PCDHA6: variants seen among roughly 807,000 people sequenced by gnomAD.
PCDHA6 encodes the protein protocadherin alpha 6, also known as protocadherin alpha-6.
A neutral mutation model predicts 60.3 loss-of-function variants in PCDHA6; 55 were observed. The ratio of observed to expected loss-of-function variants is 0.91; its 90% CI spans 0.73 to 1.14. PCDHA6 has a LOEUF of 1.14. Ranked by LOEUF, PCDHA6 falls within the 50% of genes most tolerant of loss-of-function variation. The probability of loss-of-function intolerance (pLI) is 0.00; values close to 1 mark genes in which losing one functional copy is unlikely to be tolerated. For synonymous variants in PCDHA6, 652 were observed against 557.9 expected (o/e 1.17, Z -2.38); for missense variants, 1,327 against 1,256.5 (o/e 1.06, Z -0.85).
chr5:140,835,512 C>A (rs147252917), intron 1 of PCDHA6: 5 of 1,613,916 alleles, frequency 3.1e-6, no homozygotes, highest in Middle Eastern at 1.6e-4. Flanking sequence ...CGTGTTTGAC[C>A]GAGATTTTGG....
rs782030896 is a variant in PCDHA6, at chr5:140,857,680, G to C, written c.2394+27195G>C. ...CGCGCGATGGGGGCGTGCCGCCTCT[G>C]GGCAGCAACTTGACGCTGCAGGTGT... On this transcript the variant is annotated intron_variant, in intron 1 of 3. Coordinates refer to ENST00000529310, the MANE Select transcript of PCDHA6 (RefSeq NM_018909.4). 20 of 1,597,122 alleles carry C rather than the reference G, an allele frequency of 1.3e-5. 2 individuals are homozygous for C. Among genetic ancestry groups the C allele is most frequent in the South Asian group, 2.2e-5 (2 of 90,508 alleles).
At chr5:140,856,510 A>G (rs1193359159) in intron 1 of PCDHA6, 2 of 1,598,532 alleles carry the variant, frequency 1.3e-6, no homozygotes, top group Non-Finnish European at 1.7e-6. Context: ...TTCCACTAGA[A>G]GGCGCATCTG....
At chr5:140,879,653 AACAAACGAAC>A (rs1168940497) in intron 1 of PCDHA6, among the ~76,000 whole-genome samples, 1 of 152,232 alleles carries the variant, frequency 6.6e-6, no homozygotes, top group African/African-American at 2.4e-5. Flanking sequence ...TGGCTGCTAT[AACAAACGAAC>A]ACAAACTGGG....
intron 3 of PCDHA6, among the ~76,000 whole-genome samples, chr5:141,006,156 TA>T (rs1554260585): frequency 6.6e-6 from 1 of 151,588 alleles, no homozygotes; most frequent in East Asian, 1.9e-4. Flanking sequence ...AGGAGTGATA[TA>T]ATCTGATTTA....
intron 1 of PCDHA6, among the ~76,000 whole-genome samples, chr5:140,965,161 G>A (rs151157194): frequency 1.5e-4 from 23 of 152,334 alleles, no homozygotes; most frequent in African/African-American, 5.5e-4. Flanking sequence ...GAGAAAGGAC[G>A]TTTTAGTGAG....
chr5:140,877,027 G>T lies in PCDHA6; in HGVS notation c.2394+46542G>T, dbSNP rs376609696. 1.3e-4 allele frequency: 211 copies of T among 1,612,282 alleles called. No individual in the cohort carries two copies. Among genetic ancestry groups the T allele is most frequent in the Admixed American group, 2.7e-4 (16 of 60,002 alleles). On this transcript the variant is annotated intron_variant, in intron 1 of 3. Coordinates refer to ENST00000529310, the MANE Select transcript of PCDHA6 (RefSeq NM_018909.4). ...GCACGCGGAGAGCGGCAAGGTGTAC[G>T]CGCTGCAGCCGCTAGACCACGAGGA...
intron 1 of PCDHA6, chr5:140,883,878 C>T: frequency 1.9e-6 from 3 of 1,613,260 alleles, no homozygotes; most frequent in Middle Eastern, 1.7e-4. Context: ...CAGGTGAGCG[C>T]GCGCGACTCT....
At position 140,841,557 on chromosome 5, in the gene PCDHA6, T is replaced by A. The variant is rs2150318209; in HGVS notation, c.2394+11072T>A. On this transcript the variant is annotated intron_variant, in intron 1 of 3. Coordinates refer to ENST00000529310, the MANE Select transcript of PCDHA6 (RefSeq NM_018909.4). The stretch of plus-strand genomic sequence containing the variant: ...CACCGGGACCTTCTGGAGGTAAGTC[T>A]GCAGAATGGCATTTTGTTTGTGAAT... The A allele has an allele frequency of 2.5e-6, 4 of 1,613,864 alleles. No individual in the cohort carries two copies. The East Asian group carries it at 8.9e-5, about 36-fold the overall frequency.
intron 1 of PCDHA6, chr5:140,859,420 C>A: frequency 4.3e-6 from 1 of 233,152 alleles, no homozygotes; most frequent in Non-Finnish European, 8.1e-6. Context: ...ATGATATAGA[C>A]TCAGAAATGA....
intron 1 of PCDHA6, among the ~76,000 whole-genome samples, chr5:140,880,156 A>C (rs1301821759): frequency 6.6e-6 from 1 of 152,250 alleles, no homozygotes; most frequent in Non-Finnish European, 1.5e-5. Context: ...TATATCAAGT[A>C]TATGTTAGAA....
intron 1 of PCDHA6, among the ~76,000 whole-genome samples, chr5:140,831,824 C>G (rs1771719892): frequency 6.6e-6 from 1 of 152,140 alleles, no homozygotes; most frequent in African/African-American, 2.4e-5. Context: ...ATGATAAACA[C>G]TAGTTTCAAT....
At position 141,009,636 on chromosome 5, in the gene PCDHA6, C is replaced by T. The variant is rs782321757; in HGVS notation, c.2552C>T (p.Ala851Val). ...ATGTTTTGTCTTTCAGAACCAGAGG[C>T]AGGAGAAGTGTCCCCTCCAGTCGGT... ...TVSSATPEPE[A>V]GEVSPPVGAG... Residue 851 changes from alanine (A) to valine (V), a missense_variant, in exon 4 of 4, where the codon GCA becomes GTA. Physicochemically the swap from Ala to Val is moderately conservative, Grantham distance 64. Transcript: ENST00000529310. 3.7e-6 allele frequency: 6 copies of T among 1,613,192 alleles called. No homozygotes were observed. Among genetic ancestry groups the T allele is most frequent in the Non-Finnish European group, 4.2e-6 (5 of 1,179,532 alleles).
Position 141,009,779 on chromosome 5 carries a change from A to G in PCDHA6, c.2695A>G (p.Ile899Val), listed in dbSNP as rs1289763016. 3.7e-6 allele frequency: 6 copies of G among 1,613,952 alleles called. No individual in the cohort carries two copies. Among genetic ancestry groups the G allele is most frequent in the Non-Finnish European group, 5.1e-6 (6 of 1,180,030 alleles). ...CCCAGGATCTCCTGCAATCATCTCCATCCGGCAGGAGCCTACTAACAGCCA... is the reference window on the plus strand; with the variant it reads ...CCCAGGATCTCCTGCAATCATCTCCGTCCGGCAGGAGCCTACTAACAGCCA... ...IIPGSPAIIS[I>V]RQEPTNSQID... The change falls in exon 4 of 4, where the codon ATC becomes GTC. Residue 899 changes from isoleucine to valine, a missense_variant. Coordinates refer to ENST00000529310, the MANE Select transcript of PCDHA6 (RefSeq NM_018909.4).
At chr5:141,005,627 G>A (rs1051972778) in intron 3 of PCDHA6, among the ~76,000 whole-genome samples, 1 of 148,378 alleles carries the variant, frequency 6.7e-6, no homozygotes, top group Non-Finnish European at 1.5e-5. Flanking sequence ...GCGTGAACCC[G>A]GGAGGCGGAG....
chr5:140,842,111 C>T, intron 1 of PCDHA6: 1 of 1,613,876 alleles, frequency 6.2e-7, no homozygotes, highest in Non-Finnish European at 8.5e-7. Context: ...AGTTATCAAA[C>T]TGAATGCTTC....
chr5:140,848,477 A>G (rs1473834306), intron 1 of PCDHA6: 1 of 1,563,760 alleles, frequency 6.4e-7, no homozygotes, highest in Non-Finnish European at 8.7e-7. Context: ...ACTAATTAGA[A>G]GAAGACTGAG....
intron 3 of PCDHA6, among the ~76,000 whole-genome samples, chr5:140,985,476 T>C (rs1554247100): frequency 6.6e-6 from 1 of 152,162 alleles, no homozygotes; most frequent in Admixed American, 6.6e-5. Flanking sequence ...ATTTGGTTGT[T>C]TCCAGACTCA....
At chr5:140,885,595 A>G (rs1386755812) in intron 1 of PCDHA6, among the ~76,000 whole-genome samples, 1 of 152,218 alleles carries the variant, frequency 6.6e-6, no homozygotes, top group Non-Finnish European at 1.5e-5. Context: ...CATCAAAGAT[A>G]TTAATAATTT....
chr5:140,836,599 T>G (rs1166723338), intron 1 of PCDHA6: 13 of 1,613,608 alleles, frequency 8.1e-6, no homozygotes, highest in Non-Finnish European at 1.1e-5. Context: ...AAGCCCACTC[T>G]GGTGTGCTCC....
Sources: gnomAD v4.1 joint callset for allele counts (sites outside exome capture counted in the v4.1 genomes callset) on GRCh38, gnomAD v4.1.1 for gene constraint, MANE v1.5 for transcripts, NCBI Gene and HGNC (gene_info 2026-07-23, HGNC 2026-07-21) for gene names.